Variants in TTC33 observed in about 807,000 individuals in gnomAD.
TTC33 encodes tetratricopeptide repeat domain 33, also known as tetratricopeptide repeat protein 33.
In TTC33, 24 loss-of-function variants were observed where a neutral mutation model predicts 29.4. The ratio of observed to expected loss-of-function variants is 0.82; its 90% CI spans 0.59 to 1.15. The LOEUF is 1.15. Among genes scored for constraint, TTC33 ranks in the 50% most tolerant of loss-of-function variants. The probability of loss-of-function intolerance (pLI) is 0.00; values close to 1 mark genes in which losing one functional copy is unlikely to be tolerated. For synonymous variants in TTC33, 107 were observed against 100.3 expected (o/e 1.07, Z -0.40); for missense variants, 286 against 310.4 (o/e 0.92, Z 0.59).
At chr5:40,746,777 A>T (rs1742795845) in intron 2 of TTC33, 21 bp downstream of exon 2, 1 of 1,581,140 alleles carries the variant, frequency 6.3e-7, no homozygotes, top group African/African-American at 1.4e-5. Context: ...TCTCCATAAA[A>T]AAAAAACTTT....
chr5:40,739,273 T>C (rs1742641620), intron 2 of TTC33, among the ~76,000 whole-genome samples: 1 of 152,218 alleles, frequency 6.6e-6, no homozygotes, highest in Admixed American at 6.5e-5. Flanking sequence ...AATAAGCTTG[T>C]CAATTATCTC....
At chr5:40,722,245 T>C (rs1742151523) in intron 4 of TTC33, among the ~76,000 whole-genome samples, 3 of 150,972 alleles carry the variant, frequency 2.0e-5, no homozygotes, top group African/African-American at 7.3e-5. Flanking sequence ...AGGCGTGATC[T>C]CGGCTCGCTG....
intron 4 of TTC33, among the ~76,000 whole-genome samples, chr5:40,717,469 GGA>G (rs1742027071): frequency 2.0e-5 from 3 of 152,082 alleles, no homozygotes; most frequent in African/African-American, 7.2e-5. Flanking sequence ...ACTACAGTCT[GGA>G]TAAAGGTCAA....
At chr5:40,739,110 G>GTATGTCTATCTT (rs1561151743) in intron 2 of TTC33, among the ~76,000 whole-genome samples, 1 of 152,154 alleles carries the variant, frequency 6.6e-6, no homozygotes, top group African/African-American at 2.4e-5. Context: ...ATTGATCCAT[G>GTATGTCTATCTT]TATGTCTATC....
chr5:40,745,336 A>C (rs1251529192), intron 2 of TTC33, among the ~76,000 whole-genome samples: 1 of 152,156 alleles, frequency 6.6e-6, no homozygotes, highest in Non-Finnish European at 1.5e-5. Flanking sequence ...CTTAGAAAAA[A>C]CATGAGGAAT....
At chr5:40,729,371 A>G (rs1742370564) in intron 3 of TTC33, among the ~76,000 whole-genome samples, 1 of 152,210 alleles carries the variant, frequency 6.6e-6, no homozygotes, top group Non-Finnish European at 1.5e-5. Context: ...CCCTGCCAAA[A>G]ATATGTTTAA....
At chr5:40,734,434 T>C (rs899106535) in intron 2 of TTC33, among the ~76,000 whole-genome samples, 2 of 152,198 alleles carry the variant, frequency 1.3e-5, no homozygotes, top group African/African-American at 4.8e-5. Context: ...TCCGCCAGTT[T>C]AAGGACAATC....
chr5:40,743,819 A>AT lies in TTC33; in HGVS notation c.221+2978dup, dbSNP rs1187385480. Among the ~76,000 whole-genome samples the AT allele has an allele frequency of 3.3e-5, 5 of 152,322 alleles. No homozygotes were observed. The East Asian group carries it at 7.7e-4, about 23-fold the overall frequency. Reference sequence around the variant, plus strand: ...AGTTATTTTCTAAAGCAGTATATACATTACTCAAAAATAAATGCTAAAGAG... The same window carrying AT: ...AGTTATTTTCTAAAGCAGTATATACATTTACTCAAAAATAAATGCTAAAGAG... On this transcript the variant is annotated intron_variant, in intron 2 of 4. Transcript: ENST00000337702.
rs979697482 is a variant in TTC33 at position 40,711,636 on chromosome 5, T to C, written c.*4509A>G. ...AGATCAAAACTTGAAACAACCTAAA[T>C]GTCCATCAATAGGTGAACAGCTAAA... On this transcript the variant is annotated 3_prime_UTR_variant, in exon 5 of 5. Coordinates refer to ENST00000337702, the MANE Select transcript of TTC33 (RefSeq NM_012382.3). 1.3e-5 allele frequency among the ~76,000 whole-genome samples: 2 copies of C among 152,074 alleles called. No individual in the cohort carries two copies. The highest frequency in any genetic ancestry group is 2.4e-5 in the African/African-American group (1 of 41,414).
chr5:40,736,402 T>A (rs1030416495), intron 2 of TTC33, among the ~76,000 whole-genome samples: 4 of 152,208 alleles, frequency 2.6e-5, no homozygotes, highest in Admixed American at 2.0e-4. Context: ...AATTCTAATT[T>A]ATATTCCTGC....
chr5:40,733,492 T>G (rs1345249216), intron 2 of TTC33, among the ~76,000 whole-genome samples: 2 of 152,170 alleles, frequency 1.3e-5, no homozygotes, highest in African/African-American at 2.4e-5. Context: ...CAACCCTAGA[T>G]CTACTTGGCC....
In TTC33 at chr5:40,732,556, A is replaced by G. The variant is rs539020973; in HGVS notation, c.222-2213T>C. ...GGAACCAAAGGGTAGATTTGTTTAT[A>G]TGCTCTACAGTACCCAGAACATTTC... On this transcript the variant is annotated intron_variant, in intron 2 of 4. Transcript: ENST00000337702. Among the ~76,000 whole-genome samples the G allele has an allele frequency of 4.6e-5, 7 of 151,982 alleles. No individual in the cohort carries two copies. In the East Asian group the frequency reaches 9.7e-4, roughly 21 times the overall value.
chr5:40,745,983 A>G (rs1742781462), intron 2 of TTC33, among the ~76,000 whole-genome samples: 1 of 152,172 alleles, frequency 6.6e-6, no homozygotes, highest in African/African-American at 2.4e-5. Context: ...ATACCATTCT[A>G]TATTTTCTTC....
At chr5:40,747,992 A>AT (rs1216219595) in intron 1 of TTC33, among the ~76,000 whole-genome samples, 1 of 150,878 alleles carries the variant, frequency 6.6e-6, no homozygotes, top group Non-Finnish European at 1.5e-5. Flanking sequence ...CGCCTGGGTA[A>AT]TTTTTTGTAT....
intron 2 of TTC33, among the ~76,000 whole-genome samples, chr5:40,739,406 G>A (rs1270029596): frequency 6.6e-6 from 1 of 152,170 alleles, no homozygotes; most frequent in Non-Finnish European, 1.5e-5. Flanking sequence ...GTTTGGATCT[G>A]TATCCCCACC....
Position 40,715,820 on chromosome 5 carries a change from G to T in TTC33, c.*325C>A, listed in dbSNP as rs74948401. On this transcript the variant is annotated 3_prime_UTR_variant, in exon 5 of 5. Transcript: ENST00000337702. ...GTTGAGACAGCATTTCAGTAACATTGATCAAATTATTCACTATTCAAGAAT... is the reference window on the plus strand; with the variant it reads ...GTTGAGACAGCATTTCAGTAACATTTATCAAATTATTCACTATTCAAGAAT... 7.9e-4 allele frequency: 162 copies of T among 206,140 alleles called. 1 individual carries two copies. Among genetic ancestry groups the T allele is most frequent in the Admixed American group, 6.1e-3 (108 of 17,576 alleles). 12.8% of individuals were successfully genotyped at this position (206,140 alleles called of 1,614,324 possible).
intron 2 of TTC33, among the ~76,000 whole-genome samples, chr5:40,731,772 T>C (rs1177069413): frequency 1.3e-5 from 2 of 152,162 alleles, no homozygotes; most frequent in African/African-American, 4.8e-5. Flanking sequence ...TTCCTACTCC[T>C]CTTCATCTAT....
At chr5:40,728,948 A>G (rs1742358881) in intron 3 of TTC33, among the ~76,000 whole-genome samples, 2 of 152,188 alleles carry the variant, frequency 1.3e-5, no homozygotes, top group Non-Finnish European at 2.9e-5. Context: ...ATTTCAAACC[A>G]TACATACTAG....
chr5:40,753,869 T>C (rs980078025), intron 1 of TTC33, among the ~76,000 whole-genome samples: 3 of 151,930 alleles, frequency 2.0e-5, no homozygotes, highest in Non-Finnish European at 4.4e-5. Flanking sequence ...CCTAGTGTGT[T>C]TACTGGAGGT....
Sources: gnomAD v4.1 joint callset for allele counts (sites outside exome capture counted in the v4.1 genomes callset) on GRCh38, gnomAD v4.1.1 for gene constraint, MANE v1.5 for transcripts, NCBI Gene and HGNC (gene_info 2026-07-23, HGNC 2026-07-21) for gene names.